The following IRX3 variants were observed in gnomAD, a reference collection of about 807,000 sequenced individuals.
The protein encoded by IRX3 is iroquois-class homeodomain protein IRX-3.
A neutral mutation model predicts 36.4 loss-of-function variants in IRX3; 20 were observed. That is an observed-to-expected ratio of 0.55 (90% CI 0.39 to 0.80). The LOEUF (loss-of-function observed/expected upper bound fraction) is 0.80. Among genes scored for constraint, IRX3 ranks in the 30% least tolerant of loss-of-function variants. IRX3 has a pLI of 0.00. For missense variants in IRX3, 718 were observed against 733.2 expected, an observed-to-expected ratio of 0.98 and a Z score of 0.24; for synonymous variants, 404 against 351.6, an observed-to-expected ratio of 1.15 and a Z score of -1.67.
chr16:54,285,835 G>A lies in IRX3; in HGVS notation c.216C>T (p.Gly72=), dbSNP rs1402707257. 4 of 1,559,982 alleles carry A rather than the reference G, an allele frequency of 2.6e-6. No individual in the cohort carries two copies. The highest frequency in any genetic ancestry group is 2.3e-5 in the South Asian group (2 of 85,206). The change falls in exon 1 of 4, where the codon GGC becomes GGT. Residue 72 remains glycine, a synonymous_variant. Transcript: ENST00000329734. This position sits in a 1 kb window ranked among gnomAD's most constrained non-coding sequence, Gnocchi z 5.7. ...AAAAAAAAAQ[G]YGAFLPYAAE... ...CGGCGTAGGGCAGGAAGGCGCCGTAGCCTTGGGCGGCGGCGGCCGCAGCGG... is the reference window on the plus strand; with the variant it reads ...CGGCGTAGGGCAGGAAGGCGCCGTAACCTTGGGCGGCGGCGGCCGCAGCGG...
chr16:54,285,970 G>A lies in IRX3; in HGVS notation c.81C>T (p.Gly27=), dbSNP rs1324288664. 7.2e-7 allele frequency: 1 copy of A among 1,388,358 alleles called. No homozygotes were observed. Among genetic ancestry groups the A allele is most frequent in the Non-Finnish European group, 9.3e-7 (1 of 1,072,872 alleles). The allele number at this position is 1,388,358 out of a possible 1,614,324, so 86.0% of individuals were successfully genotyped here. A position where few individuals can be genotyped will look rare whatever the true frequency, so the allele number is the denominator to read the frequency against. Residue 27 remains glycine, a synonymous_variant, in exon 1 of 4, where the codon GGC becomes GGT. Transcript: ENST00000329734. The surrounding 1 kb of genome is among the most constrained non-coding windows in gnomAD (Gnocchi z 5.7). ...SERPGAAGGS[G]GSAGARGGLG... is the part of the protein sequence containing the mutation. ...GGCCGCCCCGGGCCCCCGCGCTGCC[G>A]CCGCTGCCGCCAGCGGCCCCCGGGC...
rs1028033570 is a variant in IRX3, at chr16:54,284,571, C to T, written c.1310G>A (p.Gly437Glu). Residue 437 changes from glycine to glutamate, a missense_variant, in exon 2 of 4, where the codon GGA becomes GAA. Physicochemically the swap from Gly to Glu is moderately conservative, Grantham distance 98 (BLOSUM62 -2). This residue lies in a region of IRX3 where 468 missense variants were observed against 462.1 expected (regional missense o/e 1.01). Coordinates refer to ENST00000329734, the MANE Select transcript of IRX3 (RefSeq NM_024336.3). The surrounding 1 kb of genome is among the most constrained non-coding windows in gnomAD (Gnocchi z 4.0). ...LLGSAPPHLL[G>E]LPGAAGHPAA... ...CGGGTGGCCCGCGGCTCCGGGAAGT[C>T]CCAGCAGGTGCGGAGGGGCAGAGCC... The T allele has an allele frequency of 1.4e-6, 2 of 1,410,890 alleles. No individual in the cohort carries two copies. Among genetic ancestry groups the T allele is most frequent in the Admixed American group, 6.8e-5 (2 of 29,624 alleles). The allele number at this position is 1,410,890 out of a possible 1,614,324, so 87.4% of individuals were successfully genotyped here.
chr16:54,284,643 A>G lies in IRX3; in HGVS notation c.1238T>C (p.Phe413Ser). The G allele has an allele frequency of 7.3e-7, 1 of 1,377,494 alleles. No homozygotes were observed. Among genetic ancestry groups the G allele is most frequent in the Non-Finnish European group, 9.3e-7 (1 of 1,077,078 alleles). The allele number at this position is 1,377,494 out of a possible 1,614,324, so 85.3% of individuals were successfully genotyped here. ...GCGGGGGCCGGGCGGTGGGCCTGGAAACGGCCGGTTGGTCCAAGCCGGGAA... is the reference window on the plus strand; with the variant it reads ...GCGGGGGCCGGGCGGTGGGCCTGGAGACGGCCGGTTGGTCCAAGCCGGGAA... ...GKFPAWTNRP[F>S]PGPPPGPRLH... Residue 413 changes from phenylalanine to serine, a missense_variant, in exon 2 of 4, where the codon TTT becomes TCT. Physicochemically the swap from Phe to Ser is radical, Grantham distance 155 (BLOSUM62 -2). Around this residue, in one of 3 missense-constraint regions of IRX3, gnomAD observed 468 missense variants for 462.1 expected, o/e 1.01. Transcript: ENST00000329734. The surrounding 1 kb of genome is among the most constrained non-coding windows in gnomAD (Gnocchi z 4.0).
rs766974744 is a variant in IRX3 at position 54,285,790 on chromosome 16, C to T, written c.261G>A (p.Pro87=). The change falls in exon 1 of 4, where the codon CCG becomes CCA. Residue 87 remains proline, a synonymous_variant. Transcript: ENST00000329734. The surrounding 1 kb of genome is among the most constrained non-coding windows in gnomAD (Gnocchi z 5.7). ...TGGCTCCGCGGGCTCTTACCAGCTG[C>T]GGGAAGATGGGCAGCTCCGCGGCGT... ...LPYAAELPIF[P]QLGAQYELKD... The T allele has an allele frequency of 1.6e-5, 25 of 1,554,608 alleles. No individual in the cohort carries two copies. The highest frequency in any genetic ancestry group is 4.1e-4 in the Middle Eastern group (2 of 4,932).
Position 54,285,684 on chromosome 16 carries a change from C to A in IRX3, c.268-71G>T. On this transcript the variant is annotated intron_variant, in intron 1 of 3. Transcript: ENST00000329734. The surrounding 1 kb of genome is among the most constrained non-coding windows in gnomAD (Gnocchi z 5.7). ...AGTGAGCCCCAGCCATCGCTGCCTCCCCCCTCCTGGCCTGCACCCCTCTAG... is the reference window on the plus strand; with the variant it reads ...AGTGAGCCCCAGCCATCGCTGCCTCACCCCTCCTGGCCTGCACCCCTCTAG... 6.8e-7 allele frequency: 1 copy of A among 1,461,800 alleles called. No individual in the cohort carries two copies. Among genetic ancestry groups the A allele is most frequent in the Non-Finnish European group, 9.0e-7 (1 of 1,111,508 alleles). The allele number at this position is 1,461,800 out of a possible 1,614,324, so 90.6% of individuals were successfully genotyped here. A position where few individuals can be genotyped will look rare whatever the true frequency, so the allele number is the denominator to read the frequency against.
Position 54,284,198 on chromosome 16 carries a change from T to C in IRX3, c.1451+48A>G. 1 of 1,555,942 alleles carries C rather than the reference T, an allele frequency of 6.4e-7. No individual in the cohort carries two copies. The highest frequency in any genetic ancestry group is 1.1e-5 in the South Asian group (1 of 87,908). On this transcript the variant is annotated intron_variant, in intron 3 of 3. Transcript: ENST00000329734. This position sits in a 1 kb window ranked among gnomAD's most constrained non-coding sequence, Gnocchi z 4.0. The stretch of plus-strand genomic sequence containing the variant: ...TGCGTGGTGCTCGGCGTCCTCTCCT[T>C]TCCCCGCCAGCCAGTCCCCCTGGCC...
At position 54,284,169 on chromosome 16, in the gene IRX3, G is replaced by A; in HGVS notation, c.1451+77C>T. Reference sequence around the variant, plus strand: ...GTTCCCCCCTACCCCGGGGCAAAAGGCCGTGCGTGGTGCTCGGCGTCCTCT... The same window carrying A: ...GTTCCCCCCTACCCCGGGGCAAAAGACCGTGCGTGGTGCTCGGCGTCCTCT... On this transcript the variant is annotated intron_variant, in intron 3 of 3. Transcript: ENST00000329734. The surrounding 1 kb of genome is among the most constrained non-coding windows in gnomAD (Gnocchi z 4.0). The A allele has an allele frequency of 7.1e-7, 1 of 1,417,094 alleles. No individual in the cohort carries two copies. Among genetic ancestry groups the A allele is most frequent in the East Asian group, 2.3e-5 (1 of 42,692 alleles). The allele number at this position is 1,417,094 out of a possible 1,614,324, so 87.8% of individuals were successfully genotyped here.
At position 54,284,454 on chromosome 16, in the gene IRX3, C is replaced by T. The variant is rs1901260572; in HGVS notation, c.1384+43G>A. On this transcript the variant is annotated intron_variant, in intron 2 of 3. Coordinates refer to ENST00000329734, the MANE Select transcript of IRX3 (RefSeq NM_024336.3). This position sits in a 1 kb window ranked among gnomAD's most constrained non-coding sequence, Gnocchi z 4.0. ...CCTCCCGGCCAGCTCCGGCACTACC[C>T]GCAGAGCCCGCCCCCGCTCCGCGCC... 2 of 1,396,308 alleles carry T rather than the reference C, an allele frequency of 1.4e-6. No homozygotes were observed. Among genetic ancestry groups the T allele is most frequent in the Non-Finnish European group, 1.8e-6 (2 of 1,084,484 alleles). 86.5% of individuals were successfully genotyped at this position (1,396,308 alleles called of 1,614,324 possible).
chr16:54,284,414 C>T lies in IRX3; in HGVS notation c.1384+83G>A, dbSNP rs1346454511. On this transcript the variant is annotated intron_variant, in intron 2 of 3. Coordinates refer to ENST00000329734, the MANE Select transcript of IRX3 (RefSeq NM_024336.3). This position sits in a 1 kb window ranked among gnomAD's most constrained non-coding sequence, Gnocchi z 4.0. ...GTGGAGAGGGACGCGCGCCCTGCGCCCCCCGGGCCCTGCCCCTCCCGGCCA... is the reference window on the plus strand; with the variant it reads ...GTGGAGAGGGACGCGCGCCCTGCGCTCCCCGGGCCCTGCCCCTCCCGGCCA... The T allele has an allele frequency of 5.0e-5, 72 of 1,433,066 alleles. No individual in the cohort carries two copies. Among genetic ancestry groups the T allele is most frequent in the Non-Finnish European group, 6.5e-5 (71 of 1,100,118 alleles). 88.8% of individuals were successfully genotyped at this position (1,433,066 alleles called of 1,614,324 possible).
rs778100589 is a variant in IRX3, at chr16:54,285,127, C to G, written c.754G>C (p.Glu252Gln). The G allele has an allele frequency of 4.3e-6, 7 of 1,612,814 alleles. No homozygotes were observed. The South Asian group carries it at 4.4e-5, about 10-fold the overall frequency. The change falls in exon 2 of 4, where the codon GAG (glutamate) becomes CAG (glutamine). Residue 252 changes from glutamate to glutamine, a missense_variant. Glu to Gln is a conservative substitution (Grantham distance 29). Around this residue, in one of 3 missense-constraint regions of IRX3, gnomAD observed 468 missense variants for 462.1 expected, o/e 1.01. Coordinates refer to ENST00000329734, the MANE Select transcript of IRX3 (RefSeq NM_024336.3). The surrounding 1 kb of genome is among the most constrained non-coding windows in gnomAD (Gnocchi z 5.7). ...TCTAAGTTCTCCAAATCGATCTCCTCGTCCTCGTCGTCGTCAGCCAGGCCC... is the reference window on the plus strand; with the variant it reads ...TCTAAGTTCTCCAAATCGATCTCCTGGTCCTCGTCGTCGTCAGCCAGGCCC... ...GEGLADDDED[E>Q]EIDLENLDGA...
At position 54,284,622 on chromosome 16, in the gene IRX3, G is replaced by A. The variant is rs1338572726; in HGVS notation, c.1259C>T (p.Pro420Leu). The change falls in exon 2 of 4, where the codon CCC (proline) becomes CTC (leucine). Residue 420 changes from proline to leucine, a missense_variant. By Grantham distance (98) the Pro-to-Leu change is moderately conservative (BLOSUM62 -3). Transcript: ENST00000329734. The surrounding 1 kb of genome is among the most constrained non-coding windows in gnomAD (Gnocchi z 4.0). Reference sequence around the variant, plus strand: ...CAGCAGGGAGAGCGGGTGCAGGCGGGGGCCGGGCGGTGGGCCTGGAAACGG... The same window carrying A: ...CAGCAGGGAGAGCGGGTGCAGGCGGAGGCCGGGCGGTGGGCCTGGAAACGG... ...NRPFPGPPPG[P>L]RLHPLSLLGS... 1 of 1,376,600 alleles carries A rather than the reference G, an allele frequency of 7.3e-7. No individual in the cohort carries two copies. The highest frequency in any genetic ancestry group is 9.3e-7 in the Non-Finnish European group (1 of 1,075,850). The allele number at this position is 1,376,600 out of a possible 1,614,324, so 85.3% of individuals were successfully genotyped here. A position where few individuals can be genotyped will look rare whatever the true frequency, so the allele number is the denominator to read the frequency against.
In IRX3 at chr16:54,285,440, G is replaced by T. The variant is rs529930301; in HGVS notation, c.441C>A (p.Asn147Lys). The change falls in exon 2 of 4, where the codon AAC becomes AAA. Residue 147 changes from asparagine to lysine, a missense_variant. By Grantham distance (94) the Asn-to-Lys change is moderately conservative (BLOSUM62 0). This residue lies in a region of IRX3 where 46 missense variants were observed against 89.7 expected (regional missense o/e 0.51). Coordinates refer to ENST00000329734, the MANE Select transcript of IRX3 (RefSeq NM_024336.3). This position sits in a 1 kb window ranked among gnomAD's most constrained non-coding sequence, Gnocchi z 5.7. ...TGGGGTAGGGGTTCTTGCGGTGCTC[G>T]TTGAGCCAGGCCTTCAGCGTGCTGG... ...ESTSTLKAWL[N>K]EHRKNPYPTK... The T allele has an allele frequency of 1.2e-6, 2 of 1,614,002 alleles. No individual in the cohort carries two copies. Among genetic ancestry groups the T allele is most frequent in the Admixed American group, 1.7e-5 (1 of 60,004 alleles).
chr16:54,285,956 G>C lies in IRX3; in HGVS notation c.95C>G (p.Ala32Gly). ...GGCTCCGGCACCCAGGCCGCCCCGG[G>C]CCCCCGCGCTGCCGCCGCTGCCGCC... ...AAGGSGGSAG[A>G]RGGLGAGASE... Residue 32 changes from alanine (A) to glycine (G), a missense_variant, in exon 1 of 4, where the codon GCC becomes GGC. Physicochemically the swap from Ala to Gly is moderately conservative, Grantham distance 60 (BLOSUM62 0). This residue lies in a region of IRX3 where 204 missense variants were observed against 181.4 expected (regional missense o/e 1.12). Coordinates refer to ENST00000329734, the MANE Select transcript of IRX3 (RefSeq NM_024336.3). This position sits in a 1 kb window ranked among gnomAD's most constrained non-coding sequence, Gnocchi z 5.7. 7.1e-7 allele frequency: 1 copy of C among 1,413,326 alleles called. No homozygotes were observed. Among genetic ancestry groups the C allele is most frequent in the Non-Finnish European group, 9.2e-7 (1 of 1,084,514 alleles). 87.5% of individuals were successfully genotyped at this position (1,413,326 alleles called of 1,614,324 possible).
rs1168176207 is a variant in IRX3 at position 54,286,577 on chromosome 16, CTTCTCTTTCCCT to C, written c.-539_-528del. On this transcript the variant is annotated 5_prime_UTR_variant, in exon 1 of 4. Coordinates refer to ENST00000329734, the MANE Select transcript of IRX3 (RefSeq NM_024336.3). The stretch of plus-strand genomic sequence containing the variant: ...ATGAAACTCTCCTTTCTCCTCTCCC[CTTCTCTTTCCCT>C]TTCTCACGAGGGCTTTTGCTCTCCG... 6.0e-6 allele frequency: 1 copy of C among 165,366 alleles called. No homozygotes were observed. The highest frequency in any genetic ancestry group is 1.3e-5 in the Non-Finnish European group (1 of 79,968). The allele number at this position is 165,366 out of a possible 1,614,324, so 10.2% of individuals were successfully genotyped here.
Position 54,286,098 on chromosome 16 carries a change from C to A in IRX3, c.-48G>T. 8.2e-7 allele frequency: 1 copy of A among 1,215,860 alleles called. No individual in the cohort carries two copies. The allele number at this position is 1,215,860 out of a possible 1,614,324, so 75.3% of individuals were successfully genotyped here. ...GAGAGGGGGGCCGACCCCCGGGCCG[C>A]CCAGCTCAGCGCCGCCCGCGGGCTC... On this transcript the variant is annotated 5_prime_UTR_variant, in exon 1 of 4. Coordinates refer to ENST00000329734, the MANE Select transcript of IRX3 (RefSeq NM_024336.3).
In IRX3 at chr16:54,285,136, C is replaced by T; in HGVS notation, c.745G>A (p.Asp249Asn). The T allele has an allele frequency of 6.2e-7, 1 of 1,612,208 alleles. No individual in the cohort carries two copies. The highest frequency in any genetic ancestry group is 8.5e-7 in the Non-Finnish European group (1 of 1,179,350). ...DTGGEGLADD[D>N]EDEEIDLENL... ...TCCAAATCGATCTCCTCGTCCTCGT[C>T]GTCGTCAGCCAGGCCCTCGCCCCCC... The change falls in exon 2 of 4, where the codon GAC (aspartate) becomes AAC (asparagine). Residue 249 changes from aspartate to asparagine, a missense_variant. Physicochemically the swap from Asp to Asn is conservative, Grantham distance 23. Transcript: ENST00000329734. The surrounding 1 kb of genome is among the most constrained non-coding windows in gnomAD (Gnocchi z 5.7).
chr16:54,284,148 C>T lies in IRX3; in HGVS notation c.1451+98G>A. 7.8e-7 allele frequency: 1 copy of T among 1,279,120 alleles called. No individual in the cohort carries two copies. Among genetic ancestry groups the T allele is most frequent in the South Asian group, 1.3e-5 (1 of 75,638 alleles). 79.2% of individuals were successfully genotyped at this position (1,279,120 alleles called of 1,614,324 possible). ...TACAAAATGCGTCCCAGCAGGGTTCCCCCCTACCCCGGGGCAAAAGGCCGT... is the reference window on the plus strand; with the variant it reads ...TACAAAATGCGTCCCAGCAGGGTTCTCCCCTACCCCGGGGCAAAAGGCCGT... On this transcript the variant is annotated intron_variant, in intron 3 of 3. Transcript: ENST00000329734. The surrounding 1 kb of genome is among the most constrained non-coding windows in gnomAD (Gnocchi z 4.0).
In IRX3 at chr16:54,285,965, C is replaced by A; in HGVS notation, c.86G>T (p.Ser29Ile). The A allele has an allele frequency of 1.4e-6, 2 of 1,388,872 alleles. 1 individual carries two copies. Among genetic ancestry groups the A allele is most frequent in the South Asian group, 3.5e-5 (2 of 57,776 alleles). 86.0% of individuals were successfully genotyped at this position (1,388,872 alleles called of 1,614,324 possible). A position where few individuals can be genotyped will look rare whatever the true frequency, so the allele number is the denominator to read the frequency against. ...ACCCAGGCCGCCCCGGGCCCCCGCG[C>A]TGCCGCCGCTGCCGCCAGCGGCCCC... ...RPGAAGGSGG[S>I]AGARGGLGAG... The change falls in exon 1 of 4, where the codon AGC becomes ATC. Residue 29 changes from serine (S) to isoleucine (I), a missense_variant. Transcript: ENST00000329734. This position sits in a 1 kb window ranked among gnomAD's most constrained non-coding sequence, Gnocchi z 5.7.
Position 54,284,869 on chromosome 16 carries a change from G to C in IRX3, c.1012C>G (p.Pro338Ala). The C allele has an allele frequency of 1.3e-6, 2 of 1,549,810 alleles. No individual in the cohort carries two copies. Among genetic ancestry groups the C allele is most frequent in the Non-Finnish European group, 1.7e-6 (2 of 1,149,878 alleles). ...TTCTGCAGGGCGGAGGCGGGGGCTG[G>C]TGCGGGAGCGCAGGGGTCCAGGCTC... ...PVSLDPCAPAPAPASALQKPK... is the reference protein window; with the variant it reads ...PVSLDPCAPAAAPASALQKPK... Residue 338 changes from proline to alanine, a missense_variant, in exon 2 of 4, where the codon CCA becomes GCA. Pro to Ala is a conservative substitution (Grantham distance 27). Coordinates refer to ENST00000329734, the MANE Select transcript of IRX3 (RefSeq NM_024336.3). The surrounding 1 kb of genome is among the most constrained non-coding windows in gnomAD (Gnocchi z 4.0).
Sources: allele counts gnomAD v4.1 joint callset, GRCh38; gene constraint gnomAD v4.1.1; regional missense constraint gnomAD v4.1.1; non-coding constraint Gnocchi (gnomAD v3.1); transcripts MANE v1.5; gene names NCBI Gene and HGNC (gene_info 2026-07-23, HGNC 2026-07-21).